Variants in LMO7 observed in about 807,000 individuals in gnomAD.
LMO7 encodes the protein LIM domain only protein 7.
A neutral mutation model predicts 206.5 loss-of-function variants in LMO7; 120 were observed. That is an observed-to-expected ratio of 0.58 (90% CI 0.50 to 0.68). LMO7 has a LOEUF of 0.68. Ranked by LOEUF, LMO7 falls within the 30% of genes least tolerant of loss-of-function variation. The pLI, the probability that LMO7 is intolerant of heterozygous loss-of-function variation, is 0.00. For missense variants in LMO7, 1,959 were observed against 1,957.9 expected (o/e 1.00, Z -0.01); for synonymous variants, 706 against 681.5 (o/e 1.04, Z -0.56).
At chr13:75,794,860 A>G (rs778730737) in intron 4 of LMO7, among the ~76,000 whole-genome samples, 3 of 152,150 alleles carry the variant, frequency 2.0e-5, no homozygotes, top group Non-Finnish European at 2.9e-5. Flanking sequence ...TTAAACTGCC[A>G]CTTTTCAACA....
chr13:75,841,937 G>A lies in LMO7; in HGVS notation c.3985G>A (p.Ala1329Thr). The change falls in exon 24 of 31, where the codon GCA (alanine) becomes ACA (threonine). Residue 1329 changes from alanine (A) to threonine (T), a missense_variant. Ala to Thr is a moderately conservative substitution (Grantham distance 58). Transcript: ENST00000377534. The stretch of plus-strand genomic sequence containing the variant: ...TCCTGCGGAGGAGCAGAAGCGCCAG[G>A]CAGAGATAGAGCGGGAAACATCAGT... Reference protein sequence around the residue: ...KRPAEEQKRQAEIERETSVRI... With the variant: ...KRPAEEQKRQTEIERETSVRI... 1 of 1,613,008 alleles carries A rather than the reference G, an allele frequency of 6.2e-7. No homozygotes were observed. The highest frequency in any genetic ancestry group is 1.3e-5 in the African/African-American group (1 of 75,016).
chr13:75,790,375 G>A lies in LMO7; in HGVS notation c.318-5026G>A, dbSNP rs1394371900. 2.6e-5 allele frequency among the ~76,000 whole-genome samples: 4 copies of A among 152,102 alleles called. No individual in the cohort carries two copies. In the East Asian group the frequency reaches 7.7e-4, roughly 29 times the overall value. On this transcript the variant is annotated intron_variant, in intron 4 of 30. Coordinates refer to ENST00000377534, the MANE Select transcript of LMO7 (RefSeq NM_001306080.2). The stretch of plus-strand genomic sequence containing the variant: ...GTACTGTTGTTCCCATTTTACAGGT[G>A]AGGCTTTGGAGACAGTGAAGTGATG...
Position 75,768,988 on chromosome 13 carries a change from G to A in LMO7, c.317+7950G>A, listed in dbSNP as rs868521779. Among the ~76,000 whole-genome samples, 5 of 151,972 alleles carry A rather than the reference G, an allele frequency of 3.3e-5. No individual in the cohort carries two copies. The South Asian group carries it at 6.2e-4, about 19-fold the overall frequency. ...CATTAAAAAATTATAAATAGCAATA[G>A]GTACTGTTTGAGATGAAAGCCATGC... On this transcript the variant is annotated intron_variant, in intron 4 of 30. Coordinates refer to ENST00000377534, the MANE Select transcript of LMO7 (RefSeq NM_001306080.2).
chr13:75,691,251 A>G (rs934936094), intron 1 of LMO7, among the ~76,000 whole-genome samples: 5 of 152,252 alleles, frequency 3.3e-5, no homozygotes, highest in Admixed American at 6.5e-5. Context: ...CACTGTTTAT[A>G]GACCAATGAC....
At chr13:75,731,975 A>G (rs1446707583) in intron 3 of LMO7, among the ~76,000 whole-genome samples, 1 of 152,060 alleles carries the variant, frequency 6.6e-6, no homozygotes, top group Non-Finnish European at 1.5e-5. Context: ...TGGCTTGTAG[A>G]GTTTCTGCTG....
intron 1 of LMO7, among the ~76,000 whole-genome samples, chr13:75,691,423 A>G (rs2041467070): frequency 6.6e-6 from 1 of 152,228 alleles, no homozygotes; most frequent in Admixed American, 6.5e-5. Flanking sequence ...CTGGTGTCAC[A>G]GTAAACAACT....
At chr13:75,636,846 T>A in intron 1 of LMO7, 120 bp downstream of exon 1, 1 of 970,362 alleles carries the variant, frequency 1.0e-6, no homozygotes, top group Non-Finnish European at 1.6e-6. Flanking sequence ...CCAGCCGACG[T>A]GAACAAGCTG....
intron 4 of LMO7, among the ~76,000 whole-genome samples, chr13:75,782,569 T>C (rs562548179): frequency 5.9e-5 from 9 of 152,368 alleles, no homozygotes; most frequent in Admixed American, 1.3e-4. Context: ...ACCACAAATG[T>C]AGTGACTTAA....
chr13:75,842,005 G>T lies in LMO7; in HGVS notation c.4031+22G>T, dbSNP rs750473227. 7 of 1,566,342 alleles carry T rather than the reference G, an allele frequency of 4.5e-6. No homozygotes were observed. The Admixed American group carries it at 1.2e-4, about 27-fold the overall frequency. ...GGAGGTATGTCCCCACAGCCAGAGG[G>T]TACAAAGGCTTAGCTGTATCCATTC... is the stretch of plus-strand genomic sequence containing the variant. On this transcript the variant is annotated intron_variant, in intron 24 of 30. Transcript: ENST00000377534.
chr13:75,685,782 CATGAA>C (rs1440001988), intron 1 of LMO7, among the ~76,000 whole-genome samples: 1 of 151,348 alleles, frequency 6.6e-6, no homozygotes, highest in Admixed American at 6.6e-5. Context: ...TAATTATGTA[CATGAA>C]ATGAGGGATG....
chr13:75,746,415 C>T (rs982179032), intron 3 of LMO7, among the ~76,000 whole-genome samples: 3 of 152,182 alleles, frequency 2.0e-5, no homozygotes, highest in African/African-American at 4.8e-5. Flanking sequence ...ACAAAATGCT[C>T]TAAAGCAACA....
chr13:75,769,593 C>T (rs1018575334), intron 4 of LMO7, among the ~76,000 whole-genome samples: 1 of 152,034 alleles, frequency 6.6e-6, no homozygotes, highest in Non-Finnish European at 1.5e-5. Context: ...ATTAAAAACA[C>T]ATGTTGAATC....
chr13:75,676,534 G>C (rs1329077184), intron 1 of LMO7, among the ~76,000 whole-genome samples: 1 of 152,122 alleles, frequency 6.6e-6, no homozygotes, highest in Non-Finnish European at 1.5e-5. Context: ...GTTAGGTGTT[G>C]ATTCTGTTTT....
Position 75,858,023 on chromosome 13 carries a change from G to C in LMO7, c.*80G>C. 2 of 1,543,566 alleles carry C rather than the reference G, an allele frequency of 1.3e-6. No individual in the cohort carries two copies. The highest frequency in any genetic ancestry group is 1.8e-6 in the Non-Finnish European group (2 of 1,140,164). The stretch of plus-strand genomic sequence containing the variant: ...TCATGTAGATCTATAAATATGTGTT[G>C]TATGTCTTTTTTGCTTTTTTTTTAA... On this transcript the variant is annotated 3_prime_UTR_variant, in exon 31 of 31. Transcript: ENST00000377534.
chr13:75,840,173 G>A (rs1040847227), intron 21 of LMO7, 63 bp downstream of exon 21: 11 of 1,465,748 alleles, frequency 7.5e-6, no homozygotes, highest in African/African-American at 4.2e-5. Flanking sequence ...TTAGTACACC[G>A]TAGCATGCTT....
In LMO7 at chr13:75,858,218, C is replaced by T. The variant is rs552715869; in HGVS notation, c.*275C>T. 8.4e-5 allele frequency: 29 copies of T among 344,156 alleles called. No homozygotes were observed. The highest frequency in any genetic ancestry group is 2.4e-4 in the Admixed American group (5 of 20,992). 21.3% of individuals were successfully genotyped at this position (344,156 alleles called of 1,614,324 possible). A position where few individuals can be genotyped will look rare whatever the true frequency, so the allele number is the denominator to read the frequency against. ...GCACAAGGGAAAAAATAAGAACCTA[C>T]GAATATTTTTGAGGCAGATAATGAT... On this transcript the variant is annotated 3_prime_UTR_variant, in exon 31 of 31. Transcript: ENST00000377534.
chr13:75,708,814 T>C (rs886907064), intron 1 of LMO7, among the ~76,000 whole-genome samples: 2 of 151,838 alleles, frequency 1.3e-5, no homozygotes, highest in African/African-American at 2.4e-5. Flanking sequence ...TTATTTATTA[T>C]ACTTTAAGTT....
chr13:75,765,729 G>A (rs1222808703), intron 4 of LMO7, among the ~76,000 whole-genome samples: 6 of 152,212 alleles, frequency 3.9e-5, no homozygotes, highest in African/African-American at 1.4e-4. Flanking sequence ...ATATGAGGCA[G>A]GTCTGATGCT....
chr13:75,729,127 T>C (rs1169537263), intron 3 of LMO7, among the ~76,000 whole-genome samples: 2 of 149,566 alleles, frequency 1.3e-5, no homozygotes, highest in Admixed American at 6.6e-5. Flanking sequence ...TTTGGTTCCA[T>C]ATGAACTTTA....
Sources: allele counts gnomAD v4.1 joint callset (sites outside exome capture counted in the v4.1 genomes callset), GRCh38; gene constraint gnomAD v4.1.1; transcripts MANE v1.5; gene names NCBI Gene and HGNC (gene_info 2026-07-23, HGNC 2026-07-21).